Variants in SMIM45 observed in about 807,000 individuals in gnomAD.
SMIM45 encodes small integral membrane protein 45.
the SMIM45 span, chr22:41,947,259 C>G: frequency 2.1e-5 from 13 of 606,242 alleles, no homozygotes; most frequent in South Asian, 2.5e-4. Flanking sequence ...CGTTCCAGCG[C>G]TACCCGTGGA....
chr22:41,955,485 G>T, the SMIM45 span, among the ~76,000 whole-genome samples: 1 of 151,578 alleles, frequency 6.6e-6, no homozygotes, highest in Non-Finnish European at 1.5e-5. Flanking sequence ...GTTGCAAAAT[G>T]CTCTTTAGGC....
the SMIM45 span, chr22:41,958,367 G>T: frequency 8.8e-6 from 4 of 456,688 alleles, no homozygotes; most frequent in Non-Finnish European, 4.4e-6. Context: ...CGTTTGGAGG[G>T]ATGTCAGCTT....
At chr22:41,950,664 C>T in the SMIM45 span, among the ~76,000 whole-genome samples, 1 of 151,950 alleles carries the variant, frequency 6.6e-6, no homozygotes, top group Non-Finnish European at 1.5e-5. Context: ...CACCACTGTG[C>T]TCCAGCCTGA....
the SMIM45 span, among the ~76,000 whole-genome samples, chr22:41,950,986 C>T: frequency 3.3e-5 from 5 of 152,146 alleles, no homozygotes; most frequent in Non-Finnish European, 2.9e-5. Flanking sequence ...AGCGAGACTC[C>T]GTCTCAAAAA....
At chr22:41,954,229 T>G in the SMIM45 span, among the ~76,000 whole-genome samples, 8 of 124,914 alleles carry the variant, frequency 6.4e-5, no homozygotes. Context: ...TTTTTTGAGA[T>G]GGAGTCTTGC....
the SMIM45 span, among the ~76,000 whole-genome samples, chr22:41,956,051 C>A: frequency 1.3e-5 from 2 of 150,694 alleles, no homozygotes; most frequent in African/African-American, 4.9e-5. Flanking sequence ...GGATCTTGCT[C>A]CAGGCTGGAG....
At chr22:41,955,184 ATT>A in the SMIM45 span, among the ~76,000 whole-genome samples, 10 of 147,424 alleles carry the variant, frequency 6.8e-5, no homozygotes, top group Non-Finnish European at 1.1e-4. Context: ...TTTTATTTTA[ATT>A]TTTTTTTTTT....
At chr22:41,947,461 GAGTT>G in the SMIM45 span, among the ~76,000 whole-genome samples, 1 of 150,510 alleles carries the variant, frequency 6.6e-6, no homozygotes, top group Non-Finnish European at 1.5e-5. Context: ...TCTGCCTCCC[GAGTT>G]TAAGCGATTC....
the SMIM45 span, chr22:41,958,246 G>A: frequency 2.1e-4 from 94 of 454,332 alleles, no homozygotes; most frequent in Non-Finnish European, 3.7e-4. Context: ...CTGAGGCTCC[G>A]GAGCCCTCAT....
the SMIM45 span, among the ~76,000 whole-genome samples, chr22:41,948,536 C>T: frequency 6.6e-6 from 1 of 152,100 alleles, no homozygotes; most frequent in East Asian, 1.9e-4. Context: ...AGAGCCACTG[C>T]CCTCAGCACA....
the SMIM45 span, among the ~76,000 whole-genome samples, chr22:41,950,377 A>G: frequency 2.6e-5 from 4 of 151,988 alleles, no homozygotes; most frequent in African/African-American, 7.2e-5. Flanking sequence ...TCTTCCCCCA[A>G]CTCCTCTGCT....
At chr22:41,950,945 T>C in the SMIM45 span, among the ~76,000 whole-genome samples, 1 of 152,198 alleles carries the variant, frequency 6.6e-6, no homozygotes, top group Admixed American at 6.5e-5. Context: ...TGAGCCGAGA[T>C]TGCGCCACTG....
At chr22:41,954,203 T>TTTC in the SMIM45 span, among the ~76,000 whole-genome samples, 7 of 41,982 alleles carry the variant, frequency 1.7e-4, no homozygotes, top group African/African-American at 2.4e-3. Flanking sequence ...GTACTTTGAA[T>TTTC]TTTTTTTTTT....
At chr22:41,947,092 A>G in the SMIM45 span, 1 of 1,612,568 alleles carries the variant, frequency 6.2e-7, no homozygotes, top group Non-Finnish European at 8.5e-7. Flanking sequence ...CCGCAGGACC[A>G]ACCGTTGCTC....
the SMIM45 span, chr22:41,947,049 G>C: frequency 6.2e-7 from 1 of 1,612,948 alleles, no homozygotes; most frequent in Non-Finnish European, 8.5e-7. Context: ...AGGCCGGGCA[G>C]CTTGTCCAGG....
chr22:41,958,378 G>T, the SMIM45 span: 2 of 456,654 alleles, frequency 4.4e-6, no homozygotes. Context: ...ATGTCAGCTT[G>T]GGCCAGACCA....
the SMIM45 span, chr22:41,947,105 G>T: frequency 6.2e-7 from 1 of 1,610,310 alleles, no homozygotes; most frequent in Non-Finnish European, 8.5e-7. Flanking sequence ...CGTTGCTCCT[G>T]CGGTGCGCGC....
the SMIM45 span, chr22:41,957,533 C>A: frequency 6.5e-6 from 1 of 152,854 alleles, no homozygotes; most frequent in Non-Finnish European, 1.5e-5. Flanking sequence ...GCTTCCCCGC[C>A]CTTGCTCTCC....
chr22:41,958,003 C>T, the SMIM45 span: 2 of 163,948 alleles, frequency 1.2e-5, no homozygotes, highest in East Asian at 1.8e-4. Flanking sequence ...TGTTGGCCCT[C>T]CACGCTATCC....
Sources: gnomAD v4.1 joint callset for allele counts (sites outside exome capture counted in the v4.1 genomes callset) on GRCh38, gnomAD v4.1.1 for gene constraint, MANE v1.5 for transcripts, NCBI Gene and HGNC (gene_info 2026-07-23, HGNC 2026-07-21) for gene names.